Variants in IL12RB2 observed in about 807,000 individuals in gnomAD.
IL12RB2 encodes the protein interleukin 12 receptor subunit beta 2, also known as interleukin-12 receptor subunit beta-2.
In IL12RB2, 82 loss-of-function variants were observed where a neutral mutation model predicts 89.4. That is an observed-to-expected ratio of 0.92 (90% CI 0.77 to 1.10). The LOEUF (loss-of-function observed/expected upper bound fraction) is 1.10. IL12RB2 is among the 50% of genes least tolerant of loss of function. IL12RB2 has a pLI of 0.00. For synonymous variants in IL12RB2, 368 were observed against 370.1 expected, an observed-to-expected ratio of 0.99 and a Z score of 0.07; for missense variants, 963 against 1,031.9, an observed-to-expected ratio of 0.93 and a Z score of 0.92.
At chr1:67,386,701 T>G (rs1047954299) in intron 15 of IL12RB2, 32 bp downstream of exon 15, 10 of 1,385,002 alleles carry the variant, frequency 7.2e-6, no homozygotes, top group African/African-American at 4.2e-5. Context: ...AGTGGGTAAA[T>G]GAGGCTTTTA....
intron 10 of IL12RB2, among the ~76,000 whole-genome samples, chr1:67,358,853 A>T (rs1162759272): frequency 6.6e-6 from 1 of 152,042 alleles, no homozygotes; most frequent in African/African-American, 2.4e-5. Context: ...TAAGAATAAA[A>T]AACTTAGCCC....
intron 13 of IL12RB2, 52 bp from the exon 14 acceptor site, chr1:67,379,934 T>A: frequency 1.5e-6 from 2 of 1,357,378 alleles, no homozygotes; most frequent in Non-Finnish European, 1.1e-6. Flanking sequence ...GAAGCCTACA[T>A]TAAAAGCCAT....
intron 1 of IL12RB2, among the ~76,000 whole-genome samples, chr1:67,308,339 C>A (rs913559735): frequency 6.6e-6 from 1 of 151,962 alleles, no homozygotes; most frequent in Non-Finnish European, 1.5e-5. Flanking sequence ...GCAGAGGGCA[C>A]CCCTGAGGGT....
chr1:67,387,248 T>C (rs1570203544), intron 15 of IL12RB2, among the ~76,000 whole-genome samples: 1 of 152,024 alleles, frequency 6.6e-6, no homozygotes, highest in East Asian at 1.9e-4. Flanking sequence ...TATAGATGTC[T>C]GCAGATATTT....
Position 67,385,435 on chromosome 1 carries a change from T to C in IL12RB2, c.1856-1144T>C, listed in dbSNP as rs372778864. Among the ~76,000 whole-genome samples, 12 of 152,286 alleles carry C rather than the reference T, an allele frequency of 7.9e-5. No homozygotes were observed. In the East Asian group the frequency reaches 9.7e-4, roughly 12 times the overall value. On this transcript the variant is annotated intron_variant, in intron 14 of 16. Coordinates refer to ENST00000674203, the MANE Select transcript of IL12RB2 (RefSeq NM_001374259.2). ...CCCAGTGGGTCCCTCCCACCACATG[T>C]GGGGATTATGGGAATTACAATTCAA...
In IL12RB2 at chr1:67,367,834, C is replaced by A; in HGVS notation, c.1268C>A (p.Ala423Asp). The A allele has an allele frequency of 6.3e-7, 1 of 1,575,300 alleles. No homozygotes were observed. The highest frequency in any genetic ancestry group is 1.3e-5 in the African/African-American group (1 of 74,138). Residue 423 changes from alanine (A) to aspartate (D), a missense_variant, in exon 11 of 17, where the codon GCT becomes GAT. By Grantham distance (126) the Ala-to-Asp change is moderately radical. Coordinates refer to ENST00000674203, the MANE Select transcript of IL12RB2 (RefSeq NM_001374259.2). ...TTTCTGTCCGATAAAGGGTTGCTGG[C>A]TCCTCGCCAGGTCTCTGCAAACTCA... Reference protein sequence around the residue: ...IMNLCEAGLLAPRQVSANSEG... With the variant: ...IMNLCEAGLLDPRQVSANSEG...
At chr1:67,321,453 C>T (rs1656508877) in intron 3 of IL12RB2, 149 bp from the exon 4 acceptor site, 1 of 682,522 alleles carries the variant, frequency 1.5e-6, no homozygotes, top group Non-Finnish European at 2.7e-6. Context: ...CATTGTACAT[C>T]ACCATTATAA....
chr1:67,340,994 T>C (rs1317262182), intron 9 of IL12RB2, among the ~76,000 whole-genome samples: 1 of 152,214 alleles, frequency 6.6e-6, no homozygotes, highest in African/African-American at 2.4e-5. Context: ...TCTCACTTTG[T>C]AGTCTGCCCA....
At chr1:67,368,156 G>T (rs1662915451) in intron 11 of IL12RB2, 131 bp downstream of exon 11, 3 of 706,352 alleles carry the variant, frequency 4.2e-6, no homozygotes, top group Non-Finnish European at 7.7e-6. Context: ...ATGACCTAGA[G>T]TCCACCCAGC....
At chr1:67,310,249 C>T (rs1159828327) in intron 1 of IL12RB2, among the ~76,000 whole-genome samples, 2 of 150,170 alleles carry the variant, frequency 1.3e-5, no homozygotes, top group African/African-American at 2.5e-5. Context: ...TTCCTTTGCC[C>T]TTGGAAGTTT....
chr1:67,381,262 C>T (rs1194550331), intron 14 of IL12RB2, among the ~76,000 whole-genome samples: 1 of 152,218 alleles, frequency 6.6e-6, no homozygotes, highest in Non-Finnish European at 1.5e-5. Flanking sequence ...AGTGACCCAG[C>T]TAGCATGGGC....
At chr1:67,377,965 A>G (rs973825353) in intron 13 of IL12RB2, among the ~76,000 whole-genome samples, 1 of 151,902 alleles carries the variant, frequency 6.6e-6, no homozygotes, top group Non-Finnish European at 1.5e-5. Flanking sequence ...CATCTCTACA[A>G]AAATACAAAA....
chr1:67,336,878 G>A (rs539258058), intron 8 of IL12RB2, among the ~76,000 whole-genome samples: 3 of 152,274 alleles, frequency 2.0e-5, no homozygotes, highest in South Asian at 4.1e-4. Flanking sequence ...TTTCAAATGC[G>A]GGAAACAGCA....
intron 10 of IL12RB2, among the ~76,000 whole-genome samples, chr1:67,366,750 C>A (rs1662719392): frequency 6.6e-6 from 1 of 152,110 alleles, no homozygotes; most frequent in South Asian, 2.1e-4. Flanking sequence ...AGAGAACATG[C>A]AAGAGAATAT....
chr1:67,382,607 G>C (rs560414412), intron 14 of IL12RB2, among the ~76,000 whole-genome samples: 1 of 151,604 alleles, frequency 6.6e-6, no homozygotes, highest in Non-Finnish European at 1.5e-5. Flanking sequence ...AGTACTGGCT[G>C]TTCCCTCCTT....
At chr1:67,393,824 G>T (rs1666080890) in intron 16 of IL12RB2, among the ~76,000 whole-genome samples, 1 of 152,194 alleles carries the variant, frequency 6.6e-6, no homozygotes, top group Non-Finnish European at 1.5e-5. Flanking sequence ...AGGCTACAGT[G>T]TTGGAGTTGG....
chr1:67,356,676 C>A (rs1661430415), intron 10 of IL12RB2, among the ~76,000 whole-genome samples: 1 of 152,102 alleles, frequency 6.6e-6, no homozygotes, highest in African/African-American at 2.4e-5. Context: ...AGCTGAAAAG[C>A]CCTCCTCTCT....
intron 10 of IL12RB2, among the ~76,000 whole-genome samples, chr1:67,352,464 C>T (rs1242086166): frequency 6.6e-6 from 1 of 152,118 alleles, no homozygotes; most frequent in Non-Finnish European, 1.5e-5. Context: ...TTCTAGACAG[C>T]AGAAAAGGAA....
At chr1:67,310,839 C>T (rs1654954085) in intron 1 of IL12RB2, among the ~76,000 whole-genome samples, 1 of 152,184 alleles carries the variant, frequency 6.6e-6, no homozygotes, top group Non-Finnish European at 1.5e-5. Flanking sequence ...ATTCTCCTGC[C>T]TCAGCCTCCC....
Sources: allele counts gnomAD v4.1 joint callset (sites outside exome capture counted in the v4.1 genomes callset), GRCh38; gene constraint gnomAD v4.1.1; transcripts MANE v1.5; gene names NCBI Gene and HGNC (gene_info 2026-07-23, HGNC 2026-07-21).